The following TEX2 variants were observed in gnomAD, a reference collection of about 807,000 sequenced individuals.
The protein encoded by TEX2 is testis expressed 2.
A neutral mutation model predicts 106.9 loss-of-function variants in TEX2; 53 were observed. The observed-to-expected ratio is 0.50, with a 90% CI of 0.40 to 0.62. The LOEUF (loss-of-function observed/expected upper bound fraction) is 0.62, where lower values mean the gene tolerates loss of function less well. Among genes scored for constraint, TEX2 ranks in the 20% least tolerant of loss-of-function variants. The pLI is 0.00. For synonymous variants in TEX2, 523 were observed against 534.8 expected (o/e 0.98, Z 0.30); for missense variants, 1,207 against 1,379.0 (o/e 0.88, Z 1.98).
intron 1 of TEX2, among the ~76,000 whole-genome samples, chr17:64,238,004 T>C (rs1242721816): frequency 2.0e-5 from 3 of 152,128 alleles, no homozygotes; most frequent in Admixed American, 2.0e-4. Context: ...GCAACATCTA[T>C]AATAAAAACA....
intron 2 of TEX2, among the ~76,000 whole-genome samples, chr17:64,196,278 GA>G (rs1226476119): frequency 1.3e-5 from 2 of 152,196 alleles, no homozygotes; most frequent in Non-Finnish European, 2.9e-5. Context: ...AAAGAGTAGA[GA>G]ATTAGGTCTT....
chr17:64,213,520 A>G lies in TEX2; in HGVS notation c.698T>C (p.Val233Ala). ...TDTSRQESDT[V>A]SYKPPDSKLN... ...TTTGGAATCAGGTGGCTTATAGGAC[A>G]CTGTATCCGACTCCTGCCGGGAAGT... Residue 233 changes from valine to alanine, a missense_variant, in exon 2 of 12, where the codon GTG (valine) becomes GCG (alanine). Around this residue, in one of 3 missense-constraint regions of TEX2, gnomAD observed 1,067 missense variants for 1,193.6 expected, o/e 0.89. Transcript: ENST00000584379. This position sits in a 1 kb window ranked among gnomAD's most constrained non-coding sequence, Gnocchi z 4.4. 6.2e-7 allele frequency: 1 copy of G among 1,614,062 alleles called. No individual in the cohort carries two copies.
intron 1 of TEX2, among the ~76,000 whole-genome samples, chr17:64,231,263 C>T (rs1206511274): frequency 1.3e-5 from 2 of 152,224 alleles, no homozygotes; most frequent in Non-Finnish European, 2.9e-5. Context: ...CTCTCTATCC[C>T]AGTGCTTCAT....
At chr17:64,236,848 G>A (rs1406392230) in intron 1 of TEX2, among the ~76,000 whole-genome samples, 9 of 152,098 alleles carry the variant, frequency 5.9e-5, no homozygotes, top group Non-Finnish European at 1.0e-4. Context: ...ATGTCTGTTT[G>A]CATAAACATT....
chr17:64,258,123 G>A (rs1236784117), intron 1 of TEX2, among the ~76,000 whole-genome samples: 1 of 152,078 alleles, frequency 6.6e-6, no homozygotes, highest in Non-Finnish European at 1.5e-5. Context: ...TGTTGCCCAG[G>A]CTGGTCTGGA....
chr17:64,225,006 G>T (rs932928185), intron 1 of TEX2, among the ~76,000 whole-genome samples: 1 of 152,006 alleles, frequency 6.6e-6, no homozygotes, highest in Admixed American at 6.5e-5. Flanking sequence ...ATCAATATGG[G>T]GTCACAGAAA....
chr17:64,197,144 A>T (rs1555629469), intron 2 of TEX2, among the ~76,000 whole-genome samples: 1 of 152,022 alleles, frequency 6.6e-6, no homozygotes, highest in East Asian at 1.9e-4. Context: ...AGGTAAGTGC[A>T]TTTGGGAAGT....
intron 6 of TEX2, among the ~76,000 whole-genome samples, chr17:64,172,127 G>C (rs2031432315): frequency 1.3e-5 from 2 of 152,130 alleles, no homozygotes; most frequent in South Asian, 4.1e-4. Context: ...GGCCGAGGTG[G>C]GCGGATCACG....
chr17:64,229,499 T>G (rs570478592), intron 1 of TEX2, among the ~76,000 whole-genome samples: 5 of 145,582 alleles, frequency 3.4e-5, no homozygotes, highest in Non-Finnish European at 6.0e-5. Flanking sequence ...ATTGTATGGG[T>G]TTTTTTTTTA....
Position 64,195,136 on chromosome 17 carries a change from G to A in TEX2, c.1645-41C>T, listed in dbSNP as rs766939578. 5.7e-6 allele frequency: 9 copies of A among 1,569,194 alleles called. No individual in the cohort carries two copies. The highest frequency in any genetic ancestry group is 3.3e-5 in the South Asian group (3 of 89,618). On this transcript the variant is annotated intron_variant, in intron 2 of 11. Transcript: ENST00000584379. The surrounding 1 kb of genome is among the most constrained non-coding windows in gnomAD (Gnocchi z 4.1). ...TTCCATTAGTAATATCAGAATAATC[G>A]CAAATCTGATTTAGTGTGAAATGAT...
At chr17:64,223,640 G>T (rs1483283707) in intron 1 of TEX2, among the ~76,000 whole-genome samples, 1 of 150,594 alleles carries the variant, frequency 6.6e-6, no homozygotes, top group Non-Finnish European at 1.5e-5. Flanking sequence ...GGCAGGGAGG[G>T]AAGAAAGCAA....
At chr17:64,231,399 C>G (rs2033655234) in intron 1 of TEX2, among the ~76,000 whole-genome samples, 1 of 152,176 alleles carries the variant, frequency 6.6e-6, no homozygotes. Flanking sequence ...TGTGCCCATT[C>G]AAGTCTGAAA....
chr17:64,178,728 T>G (rs2031713531), intron 5 of TEX2, among the ~76,000 whole-genome samples: 1 of 152,248 alleles, frequency 6.6e-6, no homozygotes, highest in Non-Finnish European at 1.5e-5. Context: ...CCTCCCTCTA[T>G]GGCTACTATA....
intron 1 of TEX2, among the ~76,000 whole-genome samples, chr17:64,229,651 G>A (rs1555634351): frequency 6.6e-6 from 1 of 151,916 alleles, no homozygotes; most frequent in Non-Finnish European, 1.5e-5. Flanking sequence ...TTTAGAAAAC[G>A]CTGACAATAG....
chr17:64,208,610 A>T (rs1300144814), intron 2 of TEX2, among the ~76,000 whole-genome samples: 7 of 151,280 alleles, frequency 4.6e-5, no homozygotes, highest in African/African-American at 1.7e-4. Context: ...ATTTTTTTTA[A>T]AGCAAGCATC....
intron 2 of TEX2, among the ~76,000 whole-genome samples, chr17:64,210,877 G>C (rs1555631447): frequency 6.6e-6 from 1 of 152,008 alleles, no homozygotes; most frequent in African/African-American, 2.4e-5. Context: ...GTCTAGGCAT[G>C]AACCTTCTGC....
intron 1 of TEX2, among the ~76,000 whole-genome samples, chr17:64,234,665 G>A (rs566748754): frequency 3.3e-5 from 5 of 152,150 alleles, no homozygotes; most frequent in Non-Finnish European, 7.3e-5. Context: ...CAGCTTGTTG[G>A]GAGAAAGAAT....
chr17:64,172,887 C>G (rs1230577739), intron 6 of TEX2, among the ~76,000 whole-genome samples: 1 of 152,154 alleles, frequency 6.6e-6, no homozygotes, highest in Non-Finnish European at 1.5e-5. Context: ...ATACTGGCAT[C>G]ATGTTTAAAA....
chr17:64,188,123 C>T, intron 5 of TEX2, 45 bp downstream of exon 5: 1 of 1,585,166 alleles, frequency 6.3e-7, no homozygotes, highest in Non-Finnish European at 8.5e-7. Context: ...AGAAATGTGT[C>T]TAAGTCGAAA....
Sources: allele counts gnomAD v4.1 joint callset (sites outside exome capture counted in the v4.1 genomes callset), GRCh38; gene constraint gnomAD v4.1.1; regional missense constraint gnomAD v4.1.1; non-coding constraint Gnocchi (gnomAD v3.1); transcripts MANE v1.5; gene names NCBI Gene and HGNC (gene_info 2026-07-23, HGNC 2026-07-21).